The following SGSM1 variants were observed in gnomAD, a reference collection of about 807,000 sequenced individuals.
The protein encoded by SGSM1 is RUN and TBC1 domain containing 2.
A neutral mutation model predicts 133.8 loss-of-function variants in SGSM1; 73 were observed. The ratio of observed to expected loss-of-function variants is 0.55; its 90% confidence interval spans 0.45 to 0.66. The LOEUF (loss-of-function observed/expected upper bound fraction) is 0.66, where lower values mean the gene tolerates loss of function less well. SGSM1 is among the 30% of genes least tolerant of loss of function. The pLI is 0.00. For synonymous variants in SGSM1, 563 were observed against 573.0 expected (o/e 0.98, Z 0.25); for missense variants, 1,213 against 1,448.1 (o/e 0.84, Z 2.64).
At chr22:24,922,642 A>AT (rs1934054510) in intron 24 of SGSM1, among the ~76,000 whole-genome samples, 2 of 147,914 alleles carry the variant, frequency 1.4e-5, no homozygotes, top group East Asian at 2.0e-4. Context: ...CACCCAGCTA[A>AT]TTTTTTTGTA....
chr22:24,874,039 CA>C (rs1287807552), intron 12 of SGSM1, among the ~76,000 whole-genome samples: 1 of 152,060 alleles, frequency 6.6e-6, no homozygotes, highest in Non-Finnish European at 1.5e-5. Context: ...GGACTTCAGT[CA>C]AAAAGACTAG....
At position 24,902,584 on chromosome 22, in the gene SGSM1, G is replaced by T. The variant is rs138550145; in HGVS notation, c.2735+627G>T. On this transcript the variant is annotated intron_variant, in intron 20 of 24. Coordinates refer to ENST00000400358, the MANE Select transcript of SGSM1 (RefSeq NM_001098497.3). ...ACTTGTAGTCCTGCATACTTGGGAG[G>T]TGGAGGCAGGAGGATAGCTTGAGCC... is the stretch of plus-strand genomic sequence containing the variant. 4.3e-3 allele frequency among the ~76,000 whole-genome samples: 648 copies of T among 152,262 alleles called. 4 individuals carry two copies. The highest frequency in any genetic ancestry group is 0.014 in the African/African-American group (583 of 41,540).
At chr22:24,881,055 T>C (rs765934733) in intron 14 of SGSM1, among the ~76,000 whole-genome samples, 2 of 150,876 alleles carry the variant, frequency 1.3e-5, no homozygotes, top group Admixed American at 6.6e-5. Flanking sequence ...TGGCCGGGCA[T>C]GGTGGCACAC....
intron 2 of SGSM1, among the ~76,000 whole-genome samples, chr22:24,821,863 C>T (rs917673258): frequency 5.9e-5 from 9 of 152,126 alleles, no homozygotes; most frequent in Admixed American, 2.0e-4. Context: ...CAGCCTACCC[C>T]ACTGTCAACA....
chr22:24,851,973 A>G (rs968352365), intron 5 of SGSM1, among the ~76,000 whole-genome samples: 4 of 152,224 alleles, frequency 2.6e-5, no homozygotes, highest in African/African-American at 9.7e-5. Flanking sequence ...GGCCTCTTTA[A>G]TTATTGCCTT....
chr22:24,828,628 G>A (rs768452049), intron 2 of SGSM1, among the ~76,000 whole-genome samples: 100 of 152,158 alleles, frequency 6.6e-4, no homozygotes, highest in Non-Finnish European at 1.3e-3. Context: ...ACTTTTGGTG[G>A]GAGTGTAAAT....
intron 16 of SGSM1, among the ~76,000 whole-genome samples, chr22:24,890,989 A>G (rs1932805707): frequency 6.6e-6 from 1 of 152,252 alleles, no homozygotes; most frequent in African/African-American, 2.4e-5. Flanking sequence ...AGAAGCCAGT[A>G]TAACTTGTCG....
intron 12 of SGSM1, among the ~76,000 whole-genome samples, chr22:24,870,380 G>T (rs764835525): frequency 6.6e-6 from 1 of 152,188 alleles, no homozygotes; most frequent in East Asian, 1.9e-4. Context: ...AGTTCTACTC[G>T]AGAGCCAGTT....
chr22:24,889,413 T>C (rs78764190), intron 16 of SGSM1, among the ~76,000 whole-genome samples: 1 of 128,456 alleles, frequency 7.8e-6, no homozygotes, highest in Non-Finnish European at 1.5e-5. Context: ...ATGTATTTCT[T>C]TTTTTTTTTT....
intron 5 of SGSM1, among the ~76,000 whole-genome samples, chr22:24,851,452 GAGAGAGAGA>G (rs1930477271): frequency 1.5e-5 from 1 of 64,594 alleles, no homozygotes; most frequent in African/African-American, 2.1e-4. Context: ...GGTGGGGGGA[GAGAGAGAGA>G]GAGAGAGAGA....
intron 8 of SGSM1, among the ~76,000 whole-genome samples, chr22:24,858,654 A>AAAAAAAAAAAAAG (rs1268815477): frequency 7.7e-5 from 11 of 142,768 alleles, no homozygotes; most frequent in Non-Finnish European, 1.4e-4. Flanking sequence ...AAAAAAAAAA[A>AAAAAAAAAAAAAG]AAGAAGAAAG....
chr22:24,823,332 G>T (rs1346453156), intron 2 of SGSM1, among the ~76,000 whole-genome samples: 3 of 152,082 alleles, frequency 2.0e-5, no homozygotes, highest in African/African-American at 7.2e-5. Flanking sequence ...GCCAGGCGCG[G>T]TGGCTCGCAC....
chr22:24,835,193 C>T (rs1569139472), intron 2 of SGSM1, among the ~76,000 whole-genome samples: 1 of 152,166 alleles, frequency 6.6e-6, no homozygotes, highest in Non-Finnish European at 1.5e-5. Context: ...GTGGGATGCA[C>T]AGACCAGATG....
chr22:24,848,227 G>A (rs775937390), intron 4 of SGSM1, among the ~76,000 whole-genome samples: 7 of 151,246 alleles, frequency 4.6e-5, no homozygotes, highest in South Asian at 2.1e-4. Context: ...TCAAGCATCC[G>A]GGCCAGTGTC....
At chr22:24,812,042 C>T (rs1184750269) in intron 2 of SGSM1, among the ~76,000 whole-genome samples, 2 of 151,098 alleles carry the variant, frequency 1.3e-5, no homozygotes, top group Admixed American at 6.6e-5. Flanking sequence ...TGGTAGCATG[C>T]GCCTGTAATC....
Position 24,855,045 on chromosome 22 carries a change from A to G in SGSM1, c.505A>G (p.Ile169Val), listed in dbSNP as rs570194534. The part of the protein sequence containing the change: ...ALLMDPVDGP[I>V]LASLLVGPCA... ...CCTGATGGACCCTGTGGACGGCCCC[A>G]TCCTTGCATCTTTGTTGGGTAAGTT... The change falls in exon 6 of 25, where the codon ATC becomes GTC. Residue 169 changes from isoleucine (I) to valine (V), a missense_variant. By Grantham distance (29) the Ile-to-Val change is conservative. Transcript: ENST00000400358. The G allele has an allele frequency of 3.7e-6, 6 of 1,613,252 alleles. No individual in the cohort carries two copies. The highest frequency in any genetic ancestry group is 3.3e-5 in the Admixed American group (2 of 59,934).
intron 20 of SGSM1, 72 bp downstream of exon 20, chr22:24,902,029 C>T (rs896244041): frequency 2.1e-6 from 3 of 1,440,638 alleles, no homozygotes; most frequent in East Asian, 2.5e-5. Context: ...GTAGGGGGCC[C>T]GCCTAGAAGT....
intron 2 of SGSM1, among the ~76,000 whole-genome samples, chr22:24,831,241 G>A (rs1458627078): frequency 6.6e-6 from 1 of 151,744 alleles, no homozygotes; most frequent in South Asian, 2.1e-4. Flanking sequence ...GAGGTGGAGC[G>A]AAGCAAGCAG....
Position 24,867,129 on chromosome 22 carries a change from G to A in SGSM1, c.963G>A (p.Glu321=). 6 of 1,613,912 alleles carry A rather than the reference G, an allele frequency of 3.7e-6. No homozygotes were observed. The highest frequency in any genetic ancestry group is 1.7e-5 in the Admixed American group (1 of 60,020). The change falls in exon 10 of 25, where the codon GAG becomes GAA. Residue 321 remains glutamate (E), a synonymous_variant. Transcript: ENST00000400358. ...ACTATGCCATGACCATCCGCTTGGA[G>A]GAGATTGTCTACCTGCACTGCCACC... is the stretch of plus-strand genomic sequence containing the variant. The part of the protein sequence containing the change: ...YWDYAMTIRL[E]EIVYLHCHQQ...
Sources: gnomAD v4.1 joint callset for allele counts (sites outside exome capture counted in the v4.1 genomes callset) on GRCh38, gnomAD v4.1.1 for gene constraint, MANE v1.5 for transcripts, NCBI Gene and HGNC (gene_info 2026-07-23, HGNC 2026-07-21) for gene names.